The following TCF7L2 variants were observed in gnomAD, a reference collection of about 807,000 sequenced individuals.
TCF7L2 encodes the protein transcription factor 7-like 2.
In TCF7L2, 23 loss-of-function variants were observed where a neutral mutation model predicts 77.9. That is an observed-to-expected ratio of 0.30 (90% CI 0.21 to 0.42). The LOEUF (loss-of-function observed/expected upper bound fraction) is 0.42, where lower values mean the gene tolerates loss of function less well. Ranked by LOEUF, TCF7L2 falls within the 10% of genes least tolerant of loss-of-function variation. The pLI is 1.00. For missense variants in TCF7L2, 654 were observed against 793.1 expected, an observed-to-expected ratio of 0.82 and a Z score of 2.11; for synonymous variants, 413 against 340.2, an observed-to-expected ratio of 1.21 and a Z score of -2.36.
At chr10:112,987,038 G>T (rs1256413178) in intron 4 of TCF7L2, among the ~76,000 whole-genome samples, 1 of 152,184 alleles carries the variant, frequency 6.6e-6, no homozygotes, top group Non-Finnish European at 1.5e-5. Flanking sequence ...CGCTGCTATG[G>T]TCGATCTAGG....
intron 5 of TCF7L2, among the ~76,000 whole-genome samples, chr10:113,125,055 C>T (rs1047321746): frequency 1.3e-5 from 2 of 151,966 alleles, no homozygotes; most frequent in East Asian, 3.9e-4. Flanking sequence ...AGAGACAGTG[C>T]TTGGAATCTG....
chr10:113,054,753 T>G (rs911140410), intron 5 of TCF7L2, among the ~76,000 whole-genome samples: 2 of 152,240 alleles, frequency 1.3e-5, no homozygotes, highest in African/African-American at 4.8e-5. Flanking sequence ...TCTATTTATA[T>G]TAACGTATGT....
chr10:113,048,806 G>C lies in TCF7L2; in HGVS notation c.552+8680G>C, dbSNP rs535232992. On this transcript the variant is annotated intron_variant, in intron 5 of 13. Transcript: ENST00000627217. ...GAGGAATCCTGGGATGGGGCCACTG[G>C]CTCTTTAAGAGAGAGCCCGATTTGG... Among the ~76,000 whole-genome samples, 5 of 152,288 alleles carry C rather than the reference G, an allele frequency of 3.3e-5. No individual in the cohort carries two copies. In the East Asian group the frequency reaches 9.6e-4, roughly 29 times the overall value.
chr10:113,026,439 A>G (rs892589526), intron 4 of TCF7L2, among the ~76,000 whole-genome samples: 1 of 152,006 alleles, frequency 6.6e-6, no homozygotes, highest in Non-Finnish European at 1.5e-5. Flanking sequence ...GATTACAGGC[A>G]TGAGCCACCA....
At chr10:113,140,259 G>A (rs994142548) in intron 5 of TCF7L2, among the ~76,000 whole-genome samples, 1 of 152,070 alleles carries the variant, frequency 6.6e-6, no homozygotes, top group Non-Finnish European at 1.5e-5. Context: ...TGGACTGAGC[G>A]GGAGGTGGGG....
intron 5 of TCF7L2, among the ~76,000 whole-genome samples, chr10:113,083,042 G>A (rs1055848431): frequency 6.6e-6 from 1 of 152,160 alleles, no homozygotes; most frequent in African/African-American, 2.4e-5. Flanking sequence ...TCTGTTTGGA[G>A]CCTTGTCTTT....
At chr10:112,986,254 T>A (rs1038020870) in intron 4 of TCF7L2, among the ~76,000 whole-genome samples, 1 of 152,114 alleles carries the variant, frequency 6.6e-6, no homozygotes. Flanking sequence ...AGTCAGTAGA[T>A]GTTTCTCGGG....
chr10:113,160,551 G>A (rs148871530), intron 12 of TCF7L2: 3 of 1,423,142 alleles, frequency 2.1e-6, no homozygotes, highest in Non-Finnish European at 2.9e-6. Flanking sequence ...CTGTAGCTGA[G>A]ATTTCACATC....
chr10:113,137,228 G>C (rs1306930096), intron 5 of TCF7L2, among the ~76,000 whole-genome samples: 1 of 152,142 alleles, frequency 6.6e-6, no homozygotes, highest in Non-Finnish European at 1.5e-5. Context: ...TTGAAATCAG[G>C]AGTGGAATCA....
rs569683411 is a variant in TCF7L2 at position 113,152,568 on chromosome 10, G to C, written c.1269+128G>C. ...GGACCATCCAATCTGCCCGCTTTGG[G>C]GACTGGTAGCATCTTCCTGGATCGC... On this transcript the variant is annotated intron_variant, in intron 11 of 13. Transcript: ENST00000627217. 1.7e-4 allele frequency: 120 copies of C among 697,764 alleles called. No homozygotes were observed. In the African/African-American group the frequency reaches 1.8e-3, roughly 10 times the overall value. The allele number at this position is 697,764 out of a possible 1,614,324, so 43.2% of individuals were successfully genotyped here.
rs528101438 is a variant in TCF7L2, at chr10:113,112,916, C to G, written c.553-28268C>G. On this transcript the variant is annotated intron_variant, in intron 5 of 13. Coordinates refer to ENST00000627217, the MANE Select transcript of TCF7L2 (RefSeq NM_001146274.2). ...AAAATAAAAGGTAGAAGGCTTTTCC[C>G]TGATTATGCTTTTCTGGTGGGTTTC... is the stretch of plus-strand genomic sequence containing the variant. 4.0e-4 allele frequency among the ~76,000 whole-genome samples: 61 copies of G among 152,276 alleles called. No individual in the cohort carries two copies. The South Asian group carries it at 0.012, about 31-fold the overall frequency.
At chr10:113,056,300 C>G (rs899961519) in intron 5 of TCF7L2, among the ~76,000 whole-genome samples, 2 of 152,210 alleles carry the variant, frequency 1.3e-5, no homozygotes, top group African/African-American at 4.8e-5. Context: ...TACCGCGCCT[C>G]ATTGCCTTCT....
chr10:113,033,125 C>T (rs192972947), intron 4 of TCF7L2, among the ~76,000 whole-genome samples: 23 of 152,120 alleles, frequency 1.5e-4, no homozygotes, highest in Admixed American at 1.2e-3. Context: ...TAATATCTTA[C>T]TTAAATCTTT....
intron 5 of TCF7L2, 88 bp downstream of exon 5, chr10:113,040,214 A>ATC: frequency 8.8e-7 from 1 of 1,133,046 alleles, no homozygotes; most frequent in South Asian, 1.5e-5. Context: ...CTTATTTGTC[A>ATC]TTTTTTTCTT....
chr10:113,125,935 C>G (rs2065514778), intron 5 of TCF7L2: 1 of 152,206 alleles, frequency 6.6e-6, no homozygotes, highest in South Asian at 2.1e-4. Context: ...AAAAGCATAG[C>G]ATGGTAAGTC....
chr10:113,086,423 T>C (rs2135550819), intron 5 of TCF7L2, among the ~76,000 whole-genome samples: 1 of 152,320 alleles, frequency 6.6e-6, no homozygotes, highest in Middle Eastern at 3.4e-3. Flanking sequence ...CCAGTTGGTT[T>C]TACTGCACAG....
At chr10:113,152,619 G>A (rs1246863711) in intron 11 of TCF7L2, among the ~76,000 whole-genome samples, 179 bp downstream of exon 11, 1 of 152,216 alleles carries the variant, frequency 6.6e-6, no homozygotes, top group Non-Finnish European at 1.5e-5. Context: ...GGCTTCCCGT[G>A]TGGATGGTTG....
At chr10:113,078,671 C>G (rs1056331048) in intron 5 of TCF7L2, among the ~76,000 whole-genome samples, 2 of 152,056 alleles carry the variant, frequency 1.3e-5, no homozygotes, top group African/African-American at 4.8e-5. Flanking sequence ...CCACACACAC[C>G]CAGTTTGTTG....
chr10:113,087,635 C>T (rs1271106867), intron 5 of TCF7L2, among the ~76,000 whole-genome samples: 1 of 152,202 alleles, frequency 6.6e-6, no homozygotes, highest in East Asian at 1.9e-4. Context: ...GACCTTAGAC[C>T]TCCAGGGGTG....
Sources: gnomAD v4.1 joint callset for allele counts (sites outside exome capture counted in the v4.1 genomes callset) on GRCh38, gnomAD v4.1.1 for gene constraint, MANE v1.5 for transcripts, NCBI Gene and HGNC (gene_info 2026-07-23, HGNC 2026-07-21) for gene names.